SLC38A4: variants seen among roughly 807,000 people sequenced by gnomAD.
SLC38A4 encodes solute carrier family 38 member 4, also known as sodium-coupled neutral amino acid transporter 4.
SLC38A4 carries 20 observed loss-of-function variants against 63.1 expected under a neutral mutation model. The observed-to-expected ratio is 0.32, with a 90% CI of 0.22 to 0.46. The LOEUF (loss-of-function observed/expected upper bound fraction) is 0.46, where lower values mean the gene tolerates loss of function less well. Ranked by LOEUF, SLC38A4 falls within the 20% of genes least tolerant of loss-of-function variation. The pLI is 1.00. For synonymous variants in SLC38A4, 230 were observed against 225.5 expected (o/e 1.02, Z -0.18); for missense variants, 526 against 663.6 (o/e 0.79, Z 2.28).
At chr12:46,812,318 A>G (rs1401608355) in intron 1 of SLC38A4, among the ~76,000 whole-genome samples, 2 of 151,980 alleles carry the variant, frequency 1.3e-5, no homozygotes, top group African/African-American at 4.8e-5. Flanking sequence ...GACTTTTAGC[A>G]TTAGCTTTTT....
At chr12:46,796,285 T>C (rs1360937511) in intron 2 of SLC38A4, among the ~76,000 whole-genome samples, 1 of 152,166 alleles carries the variant, frequency 6.6e-6, no homozygotes, top group African/African-American at 2.4e-5. Context: ...ATGGATACTA[T>C]ATTTTCTCAG....
At chr12:46,779,462 T>A in intron 10 of SLC38A4, 149 bp downstream of exon 10, 1 of 687,632 alleles carries the variant, frequency 1.5e-6, no homozygotes, top group East Asian at 2.6e-5. Context: ...TGCTCTTTTT[T>A]TGCTCTAAAT....
intron 12 of SLC38A4, among the ~76,000 whole-genome samples, chr12:46,777,706 T>C (rs1489642914): frequency 1.3e-5 from 2 of 151,990 alleles, no homozygotes; most frequent in Non-Finnish European, 2.9e-5. Flanking sequence ...TCATATCCTT[T>C]GTTCCCAAGC....
chr12:46,770,293 A>G (rs1169361724), intron 14 of SLC38A4, among the ~76,000 whole-genome samples: 1 of 143,534 alleles, frequency 7.0e-6, no homozygotes, highest in Admixed American at 6.9e-5. Flanking sequence ...TAACATTTTA[A>G]AATAAAATTT....
intron 1 of SLC38A4, chr12:46,824,480 C>A (rs906398118): frequency 6.6e-6 from 1 of 152,182 alleles, no homozygotes; most frequent in Non-Finnish European, 1.5e-5. Flanking sequence ...CCTCCTTAAT[C>A]CCACTGAAGT....
At chr12:46,827,005 CTG>C (rs1432736744), upstream of SLC38A4, among the ~76,000 whole-genome samples, 1 of 152,138 alleles carries the variant, frequency 6.6e-6, no homozygotes, top group African/African-American at 2.4e-5. Flanking sequence ...ATACCAGGCA[CTG>C]TGTTAGGCAT....
upstream of SLC38A4, among the ~76,000 whole-genome samples, chr12:46,827,097 T>A (rs761793769): frequency 6.6e-6 from 1 of 152,148 alleles, no homozygotes; most frequent in Non-Finnish European, 1.5e-5. Flanking sequence ...TAATCATGAA[T>A]ACACATTAGA....
chr12:46,779,888 G>A, intron 8 of SLC38A4, 26 bp from the exon 9 acceptor site: 1 of 1,609,938 alleles, frequency 6.2e-7, no homozygotes. Context: ...AAGGATATTA[G>A]AATCAGAAAA....
chr12:46,776,073 A>T (rs1240285621), intron 13 of SLC38A4, among the ~76,000 whole-genome samples: 2 of 152,080 alleles, frequency 1.3e-5, no homozygotes. Flanking sequence ...TTTCCTCCAC[A>T]ATTTGTCATA....
intron 1 of SLC38A4, among the ~76,000 whole-genome samples, chr12:46,812,677 C>A (rs1939363827): frequency 6.6e-6 from 1 of 151,934 alleles, no homozygotes; most frequent in Non-Finnish European, 1.5e-5. Context: ...ATTTTACAAA[C>A]CTAAAATAAA....
chr12:46,825,487 A>C (rs763757223), intron 1 of SLC38A4, among the ~76,000 whole-genome samples: 1 of 152,218 alleles, frequency 6.6e-6, no homozygotes, highest in Non-Finnish European at 1.5e-5. Context: ...TAATGACTGC[A>C]TTCTCAGGAC....
upstream of SLC38A4, among the ~76,000 whole-genome samples, chr12:46,828,209 C>T (rs1018420125): frequency 3.3e-5 from 5 of 152,220 alleles, no homozygotes; most frequent in South Asian, 2.1e-4. Context: ...AAACCTTGCT[C>T]AGGTACCACC....
intron 1 of SLC38A4, among the ~76,000 whole-genome samples, chr12:46,804,730 T>C (rs183761097): frequency 6.6e-6 from 1 of 152,200 alleles, no homozygotes; most frequent in Admixed American, 6.6e-5. Flanking sequence ...TGTATAGTAT[T>C]GCAAACTTAC....
chr12:46,812,264 C>A (rs1939353256), intron 1 of SLC38A4, among the ~76,000 whole-genome samples: 1 of 151,980 alleles, frequency 6.6e-6, no homozygotes, highest in Non-Finnish European at 1.5e-5. Flanking sequence ...TTTTCTTTCT[C>A]TTTAAATTAA....
intron 1 of SLC38A4, among the ~76,000 whole-genome samples, chr12:46,813,580 T>C (rs1355140346): frequency 1.3e-5 from 2 of 152,018 alleles, no homozygotes; most frequent in Non-Finnish European, 2.9e-5. Flanking sequence ...CTGTTGAGCT[T>C]AAGGGTTGCA....
intron 3 of SLC38A4, among the ~76,000 whole-genome samples, chr12:46,792,736 G>A (rs912057940): frequency 6.6e-6 from 1 of 152,094 alleles, no homozygotes; most frequent in African/African-American, 2.4e-5. Flanking sequence ...ATTATTAATG[G>A]AGACAAAGAC....
chr12:46,793,146 G>T lies in SLC38A4; in HGVS notation c.-75C>A, dbSNP rs974815612. ...TAATATACTGTACCTTCAGCTTAAG[G>T]TTCTTCCACTTTGTGTTGATGTTCA... is the stretch of plus-strand genomic sequence containing the variant. On this transcript the variant is annotated 5_prime_UTR_variant, in exon 3 of 17. Transcript: ENST00000266579. The T allele has an allele frequency of 6.6e-5, 68 of 1,027,638 alleles. No homozygotes were observed. Among genetic ancestry groups the T allele is most frequent in the Non-Finnish European group, 8.4e-5 (55 of 658,068 alleles). 63.7% of individuals were successfully genotyped at this position (1,027,638 alleles called of 1,614,324 possible).
chr12:46,784,456 G>C, intron 7 of SLC38A4, 86 bp downstream of exon 7: 1 of 948,676 alleles, frequency 1.1e-6, no homozygotes, highest in Non-Finnish European at 1.6e-6. Flanking sequence ...TGTATCTAAA[G>C]TGCCTGTTTA....
intron 2 of SLC38A4, among the ~76,000 whole-genome samples, chr12:46,800,723 G>C (rs1449404828): frequency 4.6e-5 from 7 of 152,092 alleles, no homozygotes; most frequent in Non-Finnish European, 1.0e-4. Flanking sequence ...AGCTTCATGA[G>C]AATAGGAATG....
Sources: allele counts gnomAD v4.1 joint callset (sites outside exome capture counted in the v4.1 genomes callset), GRCh38; gene constraint gnomAD v4.1.1; transcripts MANE v1.5; gene names NCBI Gene and HGNC (gene_info 2026-07-23, HGNC 2026-07-21).